PDE7A: variants seen among roughly 807,000 people sequenced by gnomAD.
The protein encoded by PDE7A is high affinity 3',5'-cyclic-AMP phosphodiesterase 7A.
A neutral mutation model predicts 64.3 loss-of-function variants in PDE7A; 39 were observed. The ratio of observed to expected loss-of-function variants is 0.61; its 90% CI spans 0.47 to 0.79. The LOEUF is 0.79. PDE7A is among the 30% of genes least tolerant of loss of function. The pLI is 0.00. For synonymous variants in PDE7A, 203 were observed against 206.8 expected, an observed-to-expected ratio of 0.98 and a Z score of 0.16; for missense variants, 470 against 582.8, an observed-to-expected ratio of 0.81 and a Z score of 1.99.
At chr8:65,831,652 C>CAA (rs771604227) in intron 1 of PDE7A, among the ~76,000 whole-genome samples, 7 of 138,068 alleles carry the variant, frequency 5.1e-5, no homozygotes, top group Middle Eastern at 7.5e-3. Context: ...TATGACTTAC[C>CAA]AAAAAAAAAA....
At chr8:65,769,820 C>T (rs1179338211) in intron 3 of PDE7A, among the ~76,000 whole-genome samples, 1 of 152,106 alleles carries the variant, frequency 6.6e-6, no homozygotes, top group Non-Finnish European at 1.5e-5. Context: ...TGCTTGAACC[C>T]AGGAAGTGGA....
chr8:65,770,618 C>T (rs867687561), intron 3 of PDE7A, among the ~76,000 whole-genome samples: 1 of 152,146 alleles, frequency 6.6e-6, no homozygotes, highest in Non-Finnish European at 1.5e-5. Context: ...TGAATAACAC[C>T]ATAACTTAAT....
intron 1 of PDE7A, among the ~76,000 whole-genome samples, chr8:65,784,318 A>G (rs1367973341): frequency 6.6e-6 from 1 of 152,220 alleles, no homozygotes; most frequent in Non-Finnish European, 1.5e-5. Context: ...CAAATCCAAG[A>G]GTGATTCTGT....
intron 1 of PDE7A, among the ~76,000 whole-genome samples, chr8:65,834,234 T>C (rs10216825): frequency 0.021 from 3,140 of 152,308 alleles, 131 homozygotes; most frequent in African/African-American, 0.071. Context: ...CATGAAGACC[T>C]TTACAACGAT....
intron 3 of PDE7A, among the ~76,000 whole-genome samples, chr8:65,770,152 TGTGTGTGTGTGC>T (rs967393937): frequency 4.2e-5 from 6 of 143,548 alleles, no homozygotes; most frequent in African/African-American, 1.5e-4. Flanking sequence ...TGTGTGTGTG[TGTGTGTGTGTGC>T]CACACCTAAT....
chr8:65,826,950 G>A (rs1810690512), intron 1 of PDE7A, among the ~76,000 whole-genome samples: 8 of 152,114 alleles, frequency 5.3e-5, no homozygotes, highest in Admixed American at 5.2e-4. Flanking sequence ...ATCTTCACAT[G>A]ATTTTCTTCC....
At chr8:65,764,064 A>G (rs1232381185) in intron 3 of PDE7A, among the ~76,000 whole-genome samples, 1 of 152,216 alleles carries the variant, frequency 6.6e-6, no homozygotes, top group Non-Finnish European at 1.5e-5. Flanking sequence ...CTGCACATAC[A>G]TGGGGCAGAA....
At chr8:65,751,553 T>C (rs547007424) in intron 3 of PDE7A, among the ~76,000 whole-genome samples, 1 of 152,174 alleles carries the variant, frequency 6.6e-6, no homozygotes, top group South Asian at 2.1e-4. Flanking sequence ...AGTGCAATGG[T>C]GCGATATCGG....
At chr8:65,832,426 T>G (rs1453346451) in intron 1 of PDE7A, among the ~76,000 whole-genome samples, 1 of 152,184 alleles carries the variant, frequency 6.6e-6, no homozygotes, top group East Asian at 1.9e-4. Flanking sequence ...GTCCTCAGAA[T>G]AGATTCCCAA....
chr8:65,841,595 T>G lies in PDE7A; in HGVS notation c.-87A>C. On this transcript the variant is annotated 5_prime_UTR_variant, in exon 1 of 13. Transcript: ENST00000401827. ...TGGGAGGGGGCCGCGGCTCGGGGGC[T>G]CCGGGCCGAGACGGGGGCAGGGCGG... The G allele has an allele frequency of 3.2e-6, 2 of 623,710 alleles. No homozygotes were observed. Among genetic ancestry groups the G allele is most frequent in the Non-Finnish European group, 4.3e-6 (2 of 467,910 alleles). The allele number at this position is 623,710 out of a possible 1,614,324, so 38.6% of individuals were successfully genotyped here.
chr8:65,814,986 CAGG>C (rs1810361602), intron 1 of PDE7A, among the ~76,000 whole-genome samples: 2 of 151,676 alleles, frequency 1.3e-5, no homozygotes, highest in African/African-American at 4.9e-5. Context: ...GAGGCTGAGG[CAGG>C]AGAATTGCTT....
chr8:65,756,645 C>T (rs1585879292), intron 3 of PDE7A, among the ~76,000 whole-genome samples: 2 of 151,814 alleles, frequency 1.3e-5, no homozygotes, highest in South Asian at 2.1e-4. Flanking sequence ...CATTGTTTTC[C>T]TTATTTGTTT....
chr8:65,718,477 T>C lies in PDE7A; in HGVS notation c.*813A>G, dbSNP rs1334113351. The C allele has an allele frequency of 6.6e-6, 1 of 152,272 alleles. No homozygotes were observed. Among genetic ancestry groups the C allele is most frequent in the Non-Finnish European group, 1.5e-5 (1 of 68,078 alleles). 9.4% of individuals were successfully genotyped at this position (152,272 alleles called of 1,614,324 possible). ...TCGCATGTGCAGGTCAAGTGTACAG[T>C]AGTGAAAACAACATGCAATGTCTTC... On this transcript the variant is annotated 3_prime_UTR_variant, in exon 13 of 13. Coordinates refer to ENST00000401827, the MANE Select transcript of PDE7A (RefSeq NM_001242318.3).
intron 3 of PDE7A, among the ~76,000 whole-genome samples, chr8:65,759,124 T>C (rs1808375297): frequency 6.6e-6 from 1 of 152,210 alleles, no homozygotes; most frequent in South Asian, 2.1e-4. Context: ...TTACGTCTTT[T>C]CCAAACTATT....
intron 5 of PDE7A, 115 bp downstream of exon 5, chr8:65,745,292 C>A: frequency 1.4e-6 from 1 of 706,460 alleles, no homozygotes; most frequent in Admixed American, 2.5e-5. Flanking sequence ...ACACTCTCTT[C>A]CAGCAGAGGG....
chr8:65,727,553 T>C, intron 7 of PDE7A: 2 of 335,348 alleles, frequency 6.0e-6, no homozygotes, highest in Admixed American at 4.7e-5. Flanking sequence ...CCTTAGGCCA[T>C]TTCATTTTTA....
intron 1 of PDE7A, among the ~76,000 whole-genome samples, chr8:65,798,721 C>T (rs962939768): frequency 6.6e-6 from 1 of 152,108 alleles, no homozygotes; most frequent in African/African-American, 2.4e-5. Context: ...GACAATATCT[C>T]GTGTTATCAA....
chr8:65,727,153 G>A lies in PDE7A; in HGVS notation c.828+17C>T, dbSNP rs751291970. 7.2e-7 allele frequency: 1 copy of A among 1,384,376 alleles called. No individual in the cohort carries two copies. The highest frequency in any genetic ancestry group is 1.2e-5 in the South Asian group (1 of 82,722). 85.8% of individuals were successfully genotyped at this position (1,384,376 alleles called of 1,614,324 possible). ...GAATGCAAAAATAATAAATCTTGATGATAAAATTGCACTAACCTTGTATAA... is the reference window on the plus strand; with the variant it reads ...GAATGCAAAAATAATAAATCTTGATAATAAAATTGCACTAACCTTGTATAA... On this transcript the variant is annotated intron_variant, in intron 8 of 12. Coordinates refer to ENST00000401827, the MANE Select transcript of PDE7A (RefSeq NM_001242318.3).
intron 3 of PDE7A, among the ~76,000 whole-genome samples, chr8:65,774,545 C>A (rs945361976): frequency 6.6e-6 from 1 of 151,796 alleles, no homozygotes; most frequent in Non-Finnish European, 1.5e-5. Context: ...TTATTGACAA[C>A]CCAAATAACT....
Sources: allele counts gnomAD v4.1 joint callset (sites outside exome capture counted in the v4.1 genomes callset), GRCh38; gene constraint gnomAD v4.1.1; transcripts MANE v1.5; gene names NCBI Gene and HGNC (gene_info 2026-07-23, HGNC 2026-07-21).